Variants in CLVS2 observed in about 807,000 individuals in gnomAD.
CLVS2 encodes clavesin 2, also known as clavesin-2.
CLVS2 carries 19 observed loss-of-function variants against 29.0 expected under a neutral mutation model. That is an observed-to-expected ratio of 0.66 (90% CI 0.46 to 0.96). CLVS2 has a LOEUF of 0.96. CLVS2 is among the 40% of genes least tolerant of loss of function. CLVS2 has a pLI of 0.00. For synonymous variants in CLVS2, 161 were observed against 151.3 expected (o/e 1.06, Z -0.47); for missense variants, 294 against 404.1 (o/e 0.73, Z 2.34).
chr6:123,002,480 G>A lies in CLVS2; in HGVS notation c.389+4314G>A, dbSNP rs372542902. 2.2e-4 allele frequency among the ~76,000 whole-genome samples: 34 copies of A among 152,084 alleles called. 1 individual carries two copies. The South Asian group carries it at 6.4e-3, about 29-fold the overall frequency. On this transcript the variant is annotated intron_variant, in intron 2 of 5. Coordinates refer to ENST00000275162, the MANE Select transcript of CLVS2 (RefSeq NM_001010852.4). ...AATATGGCCAATGTTCAGAATAGAA[G>A]GTTATGGTGATGATAACTTACAATT...
intron 3 of CLVS2, among the ~76,000 whole-genome samples, chr6:123,013,815 C>T (rs1310140430): frequency 1.3e-5 from 2 of 151,916 alleles, no homozygotes; most frequent in East Asian, 3.9e-4. Context: ...CCCTCCTCCC[C>T]CCACCCCACA....
intron 3 of CLVS2, among the ~76,000 whole-genome samples, chr6:123,046,492 T>C (rs1350909802): frequency 6.6e-6 from 1 of 151,910 alleles, no homozygotes; most frequent in African/African-American, 2.4e-5. Context: ...AAACTCTGTC[T>C]CCACTAAAAA....
In CLVS2 at chr6:123,016,021, CTTTTTTT is replaced by C. The variant is rs58103603; in HGVS notation, c.564+4883_564+4889del. The stretch of plus-strand genomic sequence containing the variant: ...GTGATAGGTAAGGCACAACATCAGA[CTTTTTTT>C]TTTTTTTTTTTTTTTTTTTTGTGGA... On this transcript the variant is annotated intron_variant, in intron 3 of 5. Transcript: ENST00000275162. Among the ~76,000 whole-genome samples the C allele has an allele frequency of 2.8e-3, 142 of 50,820 alleles. 3 individuals are homozygous for C. The highest frequency in any genetic ancestry group is 0.011 in the African/African-American group (131 of 12,452). 33.3% of individuals were successfully genotyped at this position (50,820 alleles called of 152,430 possible).
chr6:123,017,797 A>G (rs980162320), intron 3 of CLVS2, among the ~76,000 whole-genome samples: 1 of 152,056 alleles, frequency 6.6e-6, no homozygotes, highest in Non-Finnish European at 1.5e-5. Context: ...ATGTACATAT[A>G]ATTGATGTAT....
rs151170513 is a variant in CLVS2, at chr6:122,999,653, A to G, written c.389+1487A>G. 8.5e-3 allele frequency among the ~76,000 whole-genome samples: 1,289 copies of G among 152,340 alleles called. 13 individuals are homozygous for G. Among genetic ancestry groups the G allele is most frequent in the African/African-American group, 0.03 (1,227 of 41,590 alleles). On this transcript the variant is annotated intron_variant, in intron 2 of 5. Transcript: ENST00000275162. ...GGATCATGCAAATCAATGACTGTGT[A>G]TAACAGAACTGAAAAATTTTATTCA...
intron 2 of CLVS2, among the ~76,000 whole-genome samples, chr6:123,001,019 C>G (rs1402273715): frequency 6.6e-6 from 1 of 152,194 alleles, no homozygotes; most frequent in Non-Finnish European, 1.5e-5. Context: ...TAGAATTGAT[C>G]TAACAAAAAG....
chr6:123,063,803 A>G lies in CLVS2; in HGVS notation c.*42A>G. 7.3e-7 allele frequency: 1 copy of G among 1,378,618 alleles called. No homozygotes were observed. The highest frequency in any genetic ancestry group is 1.0e-6 in the Non-Finnish European group (1 of 968,738). The allele number at this position is 1,378,618 out of a possible 1,614,324, so 85.4% of individuals were successfully genotyped here. A position where few individuals can be genotyped will look rare whatever the true frequency, so the allele number is the denominator to read the frequency against. On this transcript the variant is annotated 3_prime_UTR_variant, in exon 6 of 6. Coordinates refer to ENST00000275162, the MANE Select transcript of CLVS2 (RefSeq NM_001010852.4). ...CCTTCATGGATTAGAAATGGAAAGT[A>G]TTGGTTTTCAGCAACAGGGACAACA...
chr6:122,998,036 A>G lies in CLVS2; in HGVS notation c.259A>G (p.Lys87Glu). ...CCGGCAGCAGAACCTGGACATGTTC[A>G]AAAGCTTTAAGGCCACCGACCCTGG... Reference protein sequence around the residue: ...EYRQQNLDMFKSFKATDPGIK... With the variant: ...EYRQQNLDMFESFKATDPGIK... The change falls in exon 2 of 6, where the codon AAA becomes GAA. Residue 87 changes from lysine (K) to glutamate (E), a missense_variant. Lys to Glu is a moderately conservative substitution (Grantham distance 56). This residue lies in a region of CLVS2 where 212 missense variants were observed against 336.4 expected (regional missense o/e 0.63). Transcript: ENST00000275162. 1 of 1,614,200 alleles carries G rather than the reference A, an allele frequency of 6.2e-7. No individual in the cohort carries two copies. The highest frequency in any genetic ancestry group is 8.5e-7 in the Non-Finnish European group (1 of 1,180,036).
chr6:123,043,193 C>T (rs1268538554), intron 3 of CLVS2, among the ~76,000 whole-genome samples: 1 of 152,082 alleles, frequency 6.6e-6, no homozygotes, highest in Non-Finnish European at 1.5e-5. Flanking sequence ...CTATATAAAA[C>T]TTGGAAAAAA....
chr6:123,025,921 G>C (rs1417861742), intron 3 of CLVS2, among the ~76,000 whole-genome samples: 1 of 152,054 alleles, frequency 6.6e-6, no homozygotes. Context: ...GCAAATACTA[G>C]TCTTGGCATC....
intron 3 of CLVS2, among the ~76,000 whole-genome samples, chr6:123,040,824 T>C (rs1775219503): frequency 7.3e-6 from 1 of 137,030 alleles, no homozygotes; most frequent in Non-Finnish European, 1.6e-5. Context: ...TTACAAGTGA[T>C]AATTAAGTGG....
intron 4 of CLVS2, among the ~76,000 whole-genome samples, chr6:123,053,822 T>C (rs1374101562): frequency 6.6e-6 from 1 of 151,942 alleles, no homozygotes; most frequent in Non-Finnish European, 1.5e-5. Context: ...GTGTGAGAGA[T>C]AGGAGAGAAC....
rs142152493 is a variant in CLVS2 at position 123,027,437 on chromosome 6, A to C, written c.564+16278A>C. ...CAAGCGATAATTCAAAGGAAGGGGG[A>C]GATAGTTTTGTCTACGTCCTCTCCC... On this transcript the variant is annotated intron_variant, in intron 3 of 5. Coordinates refer to ENST00000275162, the MANE Select transcript of CLVS2 (RefSeq NM_001010852.4). Among the ~76,000 whole-genome samples, 4 of 152,236 alleles carry C rather than the reference A, an allele frequency of 2.6e-5. No individual in the cohort carries two copies. The East Asian group carries it at 5.8e-4, about 22-fold the overall frequency.
At chr6:123,059,309 C>T (rs1455059034) in intron 5 of CLVS2, among the ~76,000 whole-genome samples, 2 of 152,150 alleles carry the variant, frequency 1.3e-5, no homozygotes, top group Non-Finnish European at 2.9e-5. Context: ...CTCTTCATAA[C>T]ACTTTTAGCC....
At chr6:123,008,626 A>G (rs1175657382) in intron 2 of CLVS2, among the ~76,000 whole-genome samples, 2 of 152,040 alleles carry the variant, frequency 1.3e-5, no homozygotes, top group African/African-American at 4.8e-5. Flanking sequence ...TTGAAGTTAG[A>G]CTTTTTGAAT....
chr6:123,006,465 GA>G (rs1407479383), intron 2 of CLVS2, among the ~76,000 whole-genome samples: 4 of 152,114 alleles, frequency 2.6e-5, no homozygotes, highest in Non-Finnish European at 2.9e-5. Context: ...GGAAGAGAAA[GA>G]TGGGAGAGAA....
At chr6:123,013,434 C>A (rs1366342979) in intron 3 of CLVS2, among the ~76,000 whole-genome samples, 1 of 151,752 alleles carries the variant, frequency 6.6e-6, no homozygotes, top group Non-Finnish European at 1.5e-5. Context: ...CATAATTCTG[C>A]TATCATGTCA....
rs1772566590 is a variant in CLVS2 at position 123,049,170 on chromosome 6, A to T, written c.675+438A>T. ...GTATCTAATATAATTTTTTACAATG[A>T]TTATCATGATCAGTCACACATTTTG... On this transcript the variant is annotated intron_variant, in intron 4 of 5. Coordinates refer to ENST00000275162, the MANE Select transcript of CLVS2 (RefSeq NM_001010852.4). 1.3e-5 allele frequency among the ~76,000 whole-genome samples: 2 copies of T among 152,182 alleles called. 1 individual carries two copies. Among genetic ancestry groups the T allele is most frequent in the South Asian group, 4.1e-4 (2 of 4,830 alleles).
chr6:123,009,579 T>C (rs1347090001), intron 2 of CLVS2, among the ~76,000 whole-genome samples: 2 of 152,048 alleles, frequency 1.3e-5, no homozygotes, highest in Non-Finnish European at 2.9e-5. Flanking sequence ...AACGAACTCA[T>C]CATTTCCACT....
Sources: allele counts gnomAD v4.1 joint callset (sites outside exome capture counted in the v4.1 genomes callset), GRCh38; gene constraint gnomAD v4.1.1; regional missense constraint gnomAD v4.1.1; transcripts MANE v1.5; gene names NCBI Gene and HGNC (gene_info 2026-07-23, HGNC 2026-07-21).